The following NEBL variants were observed in gnomAD, a reference collection of about 807,000 sequenced individuals.
NEBL encodes LIM and SH3 protein 2.
A neutral mutation model predicts 140.2 loss-of-function variants in NEBL; 122 were observed. The observed-to-expected ratio is 0.87, with a 90% confidence interval of 0.75 to 1.01. The LOEUF is 1.01. NEBL is among the 50% of genes least tolerant of loss of function. The pLI, the probability that NEBL is intolerant of heterozygous loss-of-function variation, is 0.00. For synonymous variants in NEBL, 436 were observed against 398.9 expected, an observed-to-expected ratio of 1.09 and a Z score of -1.11; for missense variants, 1,365 against 1,231.3, an observed-to-expected ratio of 1.11 and a Z score of -1.62.
At chr10:21,150,058 T>C (rs1363111116) in intron 2 of NEBL, among the ~76,000 whole-genome samples, 1 of 152,208 alleles carries the variant, frequency 6.6e-6, no homozygotes, top group Non-Finnish European at 1.5e-5. Flanking sequence ...CATATTATTA[T>C]TGACTTCTAA....
At chr10:21,021,513 C>T (rs928642560) in intron 2 of NEBL, among the ~76,000 whole-genome samples, 1 of 152,198 alleles carries the variant, frequency 6.6e-6, no homozygotes, top group African/African-American at 2.4e-5. Context: ...TTCTCGTTCC[C>T]ACTGCTCCCC....
At chr10:20,895,298 G>A (rs1847380017) in intron 2 of NEBL, among the ~76,000 whole-genome samples, 1 of 152,232 alleles carries the variant, frequency 6.6e-6, no homozygotes, top group South Asian at 2.1e-4. Context: ...GGTTTTAGTT[G>A]GTAGCATTAC....
intron 1 of NEBL, among the ~76,000 whole-genome samples, chr10:21,288,841 T>A (rs1843102580): frequency 2.2e-5 from 2 of 88,962 alleles, no homozygotes; most frequent in African/African-American, 9.2e-5. Context: ...TATATATATA[T>A]ATATATATAA....
chr10:21,148,650 C>G (rs754962776), intron 2 of NEBL, among the ~76,000 whole-genome samples: 1 of 152,054 alleles, frequency 6.6e-6, no homozygotes. Flanking sequence ...CTCAGCCTCC[C>G]GAGTAGCTGA....
chr10:21,078,466 A>G (rs1000595443), intron 2 of NEBL, among the ~76,000 whole-genome samples: 1 of 152,182 alleles, frequency 6.6e-6, no homozygotes, highest in Non-Finnish European at 1.5e-5. Context: ...TATGTTGTCT[A>G]TGCTGTTTGC....
At chr10:20,871,447 T>C (rs748399605) in intron 5 of NEBL, among the ~76,000 whole-genome samples, 12 of 152,216 alleles carry the variant, frequency 7.9e-5, no homozygotes, top group Non-Finnish European at 1.6e-4. Context: ...CTTACTCCTT[T>C]TAAAAATAAG....
Position 20,897,133 on chromosome 10 carries a change from CTTCATT to C in NEBL, c.67_72del (p.Asn23_Glu24del), listed in dbSNP as rs778962398. 14 of 1,599,932 alleles carry C rather than the reference CTTCATT, an allele frequency of 8.8e-6. No homozygotes were observed. In the African/African-American group the frequency reaches 1.2e-4, roughly 14 times the overall value. ...TGTGTTTTCTCACTCACCTGGTCTTCTTCATTTTCTTCTTCCCCTATCTTTTCTTCT... is the reference window on the plus strand; with the variant it reads ...TGTGTTTTCTCACTCACCTGGTCTTCTTCTTCTTCCCCTATCTTTTCTTCT... On this transcript the variant is annotated inframe_deletion, in exon 1 of 28. Transcript: ENST00000377122.
chr10:21,174,341 C>G (rs1033273144), upstream of NEBL: 1 of 152,234 alleles, frequency 6.6e-6, no homozygotes, highest in African/African-American at 2.4e-5. Flanking sequence ...GAGTGAGCCT[C>G]GCGCCACCGC....
chr10:21,187,140 C>T (rs1463979660), intron 3 of NEBL, among the ~76,000 whole-genome samples: 4 of 152,048 alleles, frequency 2.6e-5, no homozygotes, highest in African/African-American at 9.7e-5. Context: ...TACATACATA[C>T]ACACATGCAC....
chr10:21,281,575 C>T (rs999804745), intron 1 of NEBL, among the ~76,000 whole-genome samples: 1 of 151,972 alleles, frequency 6.6e-6, no homozygotes, highest in African/African-American at 2.4e-5. Context: ...CGCACAGCCC[C>T]TCCCCAAACA....
intron 18 of NEBL, 128 bp downstream of exon 18, chr10:20,826,317 GAT>G (rs1297788373): frequency 1.3e-5 from 10 of 763,118 alleles, no homozygotes; most frequent in Non-Finnish European, 2.3e-5. Context: ...TTTGATATAT[GAT>G]GAAATAGCAT....
chr10:20,887,885 A>ATTCT (rs1164428727), intron 4 of NEBL, among the ~76,000 whole-genome samples: 2 of 152,218 alleles, frequency 1.3e-5, no homozygotes, highest in Non-Finnish European at 2.9e-5. Flanking sequence ...GGGACTCAGA[A>ATTCT]AACAGTACCA....
At chr10:21,066,577 A>G (rs1231497962) in intron 2 of NEBL, among the ~76,000 whole-genome samples, 1 of 152,244 alleles carries the variant, frequency 6.6e-6, no homozygotes, top group Non-Finnish European at 1.5e-5. Flanking sequence ...AGAAATGTCA[A>G]TGGCCAAAGC....
chr10:20,860,132 T>C (rs1047795883), intron 7 of NEBL, among the ~76,000 whole-genome samples: 3 of 152,084 alleles, frequency 2.0e-5, no homozygotes, highest in Non-Finnish European at 4.4e-5. Context: ...TAATCTATGA[T>C]CAGTTAGAAA....
At chr10:20,809,930 C>G in intron 24 of NEBL, 32 bp from the exon 25 acceptor site, 1 of 694,340 alleles carries the variant, frequency 1.4e-6, no homozygotes, top group Non-Finnish European at 2.3e-6. Context: ...CAACACTCAT[C>G]AAGAAGGAAT....
chr10:21,206,968 CTTTT>C (rs1028716031), intron 3 of NEBL, among the ~76,000 whole-genome samples: 1 of 99,138 alleles, frequency 1.0e-5, no homozygotes, highest in Admixed American at 1.1e-4. Flanking sequence ...CTTTTTCTTT[CTTTT>C]TTTTTTTTTT....
At chr10:21,169,930 G>GGGATGTTT (rs1243287962) in intron 2 of NEBL, among the ~76,000 whole-genome samples, 1 of 152,084 alleles carries the variant, frequency 6.6e-6, no homozygotes, top group Non-Finnish European at 1.5e-5. Context: ...ACAAAACAAC[G>GGGATGTTT]GGATGTTTCT....
rs951804 is a variant in NEBL, at chr10:20,974,219, G to A, written c.250-12440C>T. Among the ~76,000 whole-genome samples the A allele has an allele frequency of 6.3e-3, 955 of 150,834 alleles. 20 individuals carry two copies. Among genetic ancestry groups the A allele is most frequent in the Admixed American group, 0.048 (730 of 15,156 alleles). ...TACAAAATGGCAATTCAAATACTTC[G>A]TAAACTTCAAAGACCATCGCTTAGT... On this transcript the variant is annotated intron_variant, in intron 3 of 6. Transcript: ENST00000417816.
intron 1 of NEBL, among the ~76,000 whole-genome samples, chr10:21,259,841 G>A (rs868247918): frequency 6.6e-6 from 1 of 152,148 alleles, no homozygotes; most frequent in Non-Finnish European, 1.5e-5. Flanking sequence ...AGGGCAGGGG[G>A]GTGGATCTAA....
Sources: allele counts gnomAD v4.1 joint callset (sites outside exome capture counted in the v4.1 genomes callset), GRCh38; gene constraint gnomAD v4.1.1; transcripts MANE v1.5; gene names NCBI Gene and HGNC (gene_info 2026-07-23, HGNC 2026-07-21).